CALN1: variants seen among roughly 807,000 people sequenced by gnomAD.
CALN1 encodes calneuron 1, also known as calcium-binding protein 8.
A neutral mutation model predicts 30.6 loss-of-function variants in CALN1; 17 were observed. That is an observed-to-expected ratio of 0.56 (90% CI 0.38 to 0.83). The LOEUF (loss-of-function observed/expected upper bound fraction) is 0.83. CALN1 is among the 40% of genes least tolerant of loss of function. The pLI, the probability that CALN1 is intolerant of heterozygous loss-of-function variation, is 0.00. For synonymous variants in CALN1, 156 were observed against 131.4 expected (o/e 1.19, Z -1.28); for missense variants, 291 against 354.9 (o/e 0.82, Z 1.45).
At chr7:72,197,202 T>TG (rs1791085234) in intron 3 of CALN1, among the ~76,000 whole-genome samples, 5 of 117,224 alleles carry the variant, frequency 4.3e-5, no homozygotes, top group African/African-American at 1.4e-4. Flanking sequence ...TTTTTTTTTT[T>TG]GAGACAGAGT....
At chr7:72,128,796 C>T (rs1386049913) in intron 3 of CALN1, among the ~76,000 whole-genome samples, 1 of 152,194 alleles carries the variant, frequency 6.6e-6, no homozygotes, top group Non-Finnish European at 1.5e-5. Flanking sequence ...CACTTGAACC[C>T]AGGAGGCAGA....
rs76796287 is a variant in CALN1 at position 71,871,020 on chromosome 7, G to A, written c.502-60528C>T. ...TGGGCCCTCAACTGTCTGACAACAC[G>A]CACCTGTTGAAGGAATGATTAAGCA... On this transcript the variant is annotated intron_variant, in intron 5 of 6. Transcript: ENST00000395275. Among the ~76,000 whole-genome samples the A allele has an allele frequency of 7.4e-4, 113 of 151,986 alleles. No homozygotes were observed. The East Asian group carries it at 0.014, about 19-fold the overall frequency.
chr7:72,356,419 C>A (rs757544513), intron 2 of CALN1, among the ~76,000 whole-genome samples: 5 of 151,910 alleles, frequency 3.3e-5, no homozygotes, highest in Non-Finnish European at 5.9e-5. Context: ...TTAAAGTGTT[C>A]TAAGGTCCTT....
At chr7:72,193,009 A>C (rs1790732761) in intron 3 of CALN1, among the ~76,000 whole-genome samples, 1 of 151,936 alleles carries the variant, frequency 6.6e-6, no homozygotes, top group African/African-American at 2.4e-5. Context: ...CCAACATGGC[A>C]AAATCCCATC....
At chr7:72,442,252 A>C (rs535688241) in intron 1 of CALN1, among the ~76,000 whole-genome samples, 20 of 152,128 alleles carry the variant, frequency 1.3e-4, no homozygotes, top group Non-Finnish European at 2.6e-4. Flanking sequence ...ATCTTTCCTC[A>C]ACACAGCAGT....
At chr7:72,174,835 A>G (rs6974563) in intron 3 of CALN1, among the ~76,000 whole-genome samples, 69,934 of 151,898 alleles carry the variant, frequency 0.46, 17,602 homozygotes, top group East Asian at 0.96. Context: ...GGGTGGTAGT[A>G]TTATAGGTAT....
chr7:71,793,984 A>T (rs987221064), intron 6 of CALN1, among the ~76,000 whole-genome samples: 35 of 152,238 alleles, frequency 2.3e-4, no homozygotes, highest in African/African-American at 6.8e-4. Flanking sequence ...CCCTTGTATA[A>T]ACCTTTTAAA....
At chr7:72,044,217 C>T (rs1563005073) in intron 4 of CALN1, among the ~76,000 whole-genome samples, 2 of 152,134 alleles carry the variant, frequency 1.3e-5, no homozygotes, top group African/African-American at 2.4e-5. Context: ...AATAGCAGAA[C>T]AGGAGGAGCA....
intron 4 of CALN1, among the ~76,000 whole-genome samples, chr7:72,042,023 T>C (rs1425569414): frequency 6.6e-6 from 1 of 152,164 alleles, no homozygotes; most frequent in Non-Finnish European, 1.5e-5. Context: ...GAGAACAAAC[T>C]AATACAGAGT....
intron 5 of CALN1, among the ~76,000 whole-genome samples, chr7:71,836,879 A>T (rs1172537919): frequency 4.0e-5 from 6 of 150,564 alleles, no homozygotes; most frequent in Non-Finnish European, 1.5e-5. Flanking sequence ...CGGCCTCCCA[A>T]AGTGCTGGGA....
intron 2 of CALN1, among the ~76,000 whole-genome samples, chr7:72,292,949 T>A (rs1366881491): frequency 6.6e-6 from 1 of 152,116 alleles, no homozygotes; most frequent in Non-Finnish European, 1.5e-5. Flanking sequence ...ACCACATCTT[T>A]TGTCTCTGCA....
At chr7:72,248,234 C>T (rs1430303116) in intron 3 of CALN1, among the ~76,000 whole-genome samples, 1 of 152,144 alleles carries the variant, frequency 6.6e-6, no homozygotes, top group Non-Finnish European at 1.5e-5. Context: ...CCTGCCTCAG[C>T]CTTCCAAGTA....
chr7:72,297,544 A>G (rs891343258), intron 2 of CALN1, among the ~76,000 whole-genome samples: 1 of 152,172 alleles, frequency 6.6e-6, no homozygotes, highest in Non-Finnish European at 1.5e-5. Context: ...AAGAAAGTGG[A>G]TTTTTTTAGC....
chr7:72,261,947 T>C (rs4512281), intron 3 of CALN1, among the ~76,000 whole-genome samples: 27,999 of 151,884 alleles, frequency 0.18, 3,527 homozygotes, highest in East Asian at 0.44. Flanking sequence ...CTCCTGAAAA[T>C]AGGCATGCTA....
chr7:72,262,880 T>G (rs1358169905), intron 3 of CALN1, among the ~76,000 whole-genome samples: 1 of 152,140 alleles, frequency 6.6e-6, no homozygotes, highest in Non-Finnish European at 1.5e-5. Context: ...AGTGCTGAGG[T>G]TGAAGTGGGG....
intron 6 of CALN1, among the ~76,000 whole-genome samples, chr7:71,790,329 G>GGAAAGAAAGAAAGAAAAGAAAGAAAGAAA (rs1562779696): frequency 4.1e-5 from 4 of 98,694 alleles, no homozygotes; most frequent in Non-Finnish European, 6.3e-5. Flanking sequence ...AAAGAAAGAA[G>GGAAAGAAAGAAAGAAAAGAAAGAAAGAAA]GAAAGAAAGA....
At chr7:72,150,963 G>A (rs560811181) in intron 3 of CALN1, among the ~76,000 whole-genome samples, 6 of 152,124 alleles carry the variant, frequency 3.9e-5, no homozygotes, top group African/African-American at 1.4e-4. Context: ...AATGACAAAA[G>A]CCTTAGGCAC....
At chr7:72,408,674 C>CT (rs1562955748) in intron 1 of CALN1, among the ~76,000 whole-genome samples, 1 of 15,960 alleles carries the variant, frequency 6.3e-5, no homozygotes, top group Non-Finnish European at 1.2e-4. Flanking sequence ...ATTATCTTTT[C>CT]CTTTTTTTTT....
At chr7:72,475,947 T>C in the CALN1 span, among the ~76,000 whole-genome samples, 1 of 135,564 alleles carries the variant, frequency 7.4e-6, no homozygotes, top group African/African-American at 3.0e-5. Context: ...CTCTCTTTTT[T>C]TTTTTTTTTT....
Sources: gnomAD v4.1 joint callset for allele counts (sites outside exome capture counted in the v4.1 genomes callset) on GRCh38, gnomAD v4.1.1 for gene constraint, MANE v1.5 for transcripts, NCBI Gene and HGNC (gene_info 2026-07-23, HGNC 2026-07-21) for gene names.